The following HS3ST5 variants were observed in gnomAD, a reference collection of about 807,000 sequenced individuals.
HS3ST5 encodes the protein heparan sulfate glucosamine 3-O-sulfotransferase 5.
Under a neutral mutation model 25.4 loss-of-function variants are expected in HS3ST5, and 10 were observed. The ratio of observed to expected loss-of-function variants is 0.39; its 90% CI spans 0.24 to 0.67. The LOEUF (loss-of-function observed/expected upper bound fraction) is 0.67, where lower values mean the gene tolerates loss of function less well. Among genes scored for constraint, HS3ST5 ranks in the 30% least tolerant of loss-of-function variants. The pLI is 0.44. For synonymous variants in HS3ST5, 170 were observed against 162.4 expected (o/e 1.05, Z -0.36); for missense variants, 324 against 420.7 (o/e 0.77, Z 2.01).
At chr6:114,222,038 C>A (rs970706122) in intron 2 of HS3ST5, among the ~76,000 whole-genome samples, 1 of 151,806 alleles carries the variant, frequency 6.6e-6, no homozygotes, top group African/African-American at 2.4e-5. Context: ...TTGCGCAACA[C>A]TCATTTAATA....
At chr6:114,156,808 C>A (rs1290649244) in intron 3 of HS3ST5, among the ~76,000 whole-genome samples, 1 of 152,116 alleles carries the variant, frequency 6.6e-6, no homozygotes, top group Non-Finnish European at 1.5e-5. Context: ...TATTCCTTCT[C>A]GGTGTTCTTT....
chr6:114,173,950 C>G (rs772213653), intron 2 of HS3ST5, among the ~76,000 whole-genome samples: 3 of 152,084 alleles, frequency 2.0e-5, no homozygotes, highest in Non-Finnish European at 2.9e-5. Context: ...GCAGACTCTG[C>G]CTATTGGAAA....
chr6:114,209,348 T>G (rs1235226174), intron 2 of HS3ST5, among the ~76,000 whole-genome samples: 1 of 152,122 alleles, frequency 6.6e-6, no homozygotes, highest in African/African-American at 2.4e-5. Flanking sequence ...AAAAAAAAAC[T>G]TGTGTATTTT....
At chr6:114,095,084 C>A (rs940971771) in intron 3 of HS3ST5, among the ~76,000 whole-genome samples, 1 of 152,160 alleles carries the variant, frequency 6.6e-6, no homozygotes, top group South Asian at 2.1e-4. Context: ...AAGCCATGCC[C>A]AAACTCATGC....
chr6:114,074,213 C>T (rs2114741762), intron 3 of HS3ST5, among the ~76,000 whole-genome samples: 1 of 151,434 alleles, frequency 6.6e-6, no homozygotes, highest in African/African-American at 2.4e-5. Context: ...TTGATGGGTA[C>T]AGCAAACCAA....
chr6:114,145,288 A>G (rs771772569), intron 3 of HS3ST5, among the ~76,000 whole-genome samples: 1 of 152,080 alleles, frequency 6.6e-6, no homozygotes, highest in Admixed American at 6.6e-5. Context: ...AACACCTCAC[A>G]CTGAAATTTC....
rs73542383 is a variant in HS3ST5 at position 114,289,406 on chromosome 6, T to A, written c.-339+52789A>T. Among the ~76,000 whole-genome samples the A allele has an allele frequency of 8.6e-3, 1,303 of 152,196 alleles. 13 individuals are homozygous for A. Among genetic ancestry groups the A allele is most frequent in the African/African-American group, 0.024 (1,016 of 41,532 alleles). Reference sequence around the variant, plus strand: ...TCTACAAGAACAAATAACTGGATTTTAAAAAAATTCAAGACATAAAATTTA... The same window carrying A: ...TCTACAAGAACAAATAACTGGATTTAAAAAAAATTCAAGACATAAAATTTA... On this transcript the variant is annotated intron_variant, in intron 1 of 4. Coordinates refer to ENST00000312719, the MANE Select transcript of HS3ST5 (RefSeq NM_153612.4).
intron 1 of HS3ST5, among the ~76,000 whole-genome samples, chr6:114,265,042 A>G (rs1477410288): frequency 1.3e-5 from 2 of 151,840 alleles, no homozygotes; most frequent in East Asian, 1.9e-4. Flanking sequence ...ACCACACCCA[A>G]CTAATTTTTA....
At position 114,119,060 on chromosome 6, in the gene HS3ST5, G is replaced by A. The variant is rs547866942; in HGVS notation, c.-33+49291C>T. On this transcript the variant is annotated intron_variant, in intron 3 of 4. Transcript: ENST00000312719. ...TTGTAATCAAAGCATAACATGTACT[G>A]TCCCTATGAGACAATTCACCTGATT... is the stretch of plus-strand genomic sequence containing the variant. Among the ~76,000 whole-genome samples, 4 of 152,286 alleles carry A rather than the reference G, an allele frequency of 2.6e-5. No homozygotes were observed. The East Asian group carries it at 7.7e-4, about 29-fold the overall frequency.
At chr6:114,232,094 G>A (rs945054125) in intron 1 of HS3ST5, among the ~76,000 whole-genome samples, 2 of 151,716 alleles carry the variant, frequency 1.3e-5, no homozygotes, top group African/African-American at 2.4e-5. Context: ...TATTTTTATC[G>A]TGTGCCTACC....
At chr6:114,090,120 G>C (rs977959596) in intron 3 of HS3ST5, among the ~76,000 whole-genome samples, 11 of 152,274 alleles carry the variant, frequency 7.2e-5, no homozygotes, top group Admixed American at 4.6e-4. Context: ...AGGCTTTAAT[G>C]GAAGGCGAAA....
intron 3 of HS3ST5, among the ~76,000 whole-genome samples, chr6:114,151,339 T>C (rs1037774954): frequency 1.3e-5 from 2 of 152,172 alleles, no homozygotes; most frequent in African/African-American, 2.4e-5. Context: ...ATTCAGCAGG[T>C]GTTTGATTAT....
At chr6:114,341,135 G>C (rs1776813631) in intron 1 of HS3ST5, among the ~76,000 whole-genome samples, 1 of 142,946 alleles carries the variant, frequency 7.0e-6, no homozygotes, top group Non-Finnish European at 1.5e-5. Flanking sequence ...ATTCGTATTC[G>C]GAGACAGAGA....
intron 3 of HS3ST5, among the ~76,000 whole-genome samples, chr6:114,093,008 C>A (rs943463291): frequency 9.9e-5 from 15 of 152,214 alleles, no homozygotes; most frequent in African/African-American, 3.6e-4. Context: ...TATGTAATCA[C>A]ATTTAATTCT....
At chr6:114,075,697 T>G (rs1774085136) in intron 3 of HS3ST5, among the ~76,000 whole-genome samples, 1 of 152,210 alleles carries the variant, frequency 6.6e-6, no homozygotes, top group Non-Finnish European at 1.5e-5. Context: ...GTGTGGGGAC[T>G]ATGGCTCTTC....
At chr6:114,107,392 A>G (rs1013101489) in intron 3 of HS3ST5, among the ~76,000 whole-genome samples, 2 of 152,206 alleles carry the variant, frequency 1.3e-5, no homozygotes, top group Admixed American at 1.3e-4. Flanking sequence ...AATTTCCTTG[A>G]TCTGATAGAG....
chr6:114,216,918 C>A (rs2114467453), intron 2 of HS3ST5, among the ~76,000 whole-genome samples: 1 of 152,186 alleles, frequency 6.6e-6, no homozygotes, highest in East Asian at 1.9e-4. Context: ...AGTTGCATTT[C>A]TCTGATGATG....
intron 1 of HS3ST5, among the ~76,000 whole-genome samples, chr6:114,252,909 AC>A (rs911580729): frequency 1.3e-5 from 2 of 152,182 alleles, no homozygotes; most frequent in African/African-American, 4.8e-5. Flanking sequence ...GTTAAAAGAA[AC>A]AGGTAGCTGG....
At chr6:114,194,640 G>A (rs910816951) in intron 2 of HS3ST5, among the ~76,000 whole-genome samples, 4 of 152,152 alleles carry the variant, frequency 2.6e-5, no homozygotes, top group African/African-American at 9.7e-5. Context: ...TACACAGTGA[G>A]GGTTTTCGTG....
Sources: gnomAD v4.1 joint callset for allele counts (sites outside exome capture counted in the v4.1 genomes callset) on GRCh38, gnomAD v4.1.1 for gene constraint, MANE v1.5 for transcripts, NCBI Gene and HGNC (gene_info 2026-07-23, HGNC 2026-07-21) for gene names.